Variants in FAM120B observed in about 807,000 individuals in gnomAD.
The protein encoded by FAM120B is constitutive coactivator of peroxisome proliferator-activated receptor gamma.
A neutral mutation model predicts 96.3 loss-of-function variants in FAM120B; 83 were observed. The ratio of observed to expected loss-of-function variants is 0.86; its 90% CI spans 0.72 to 1.03. The LOEUF is 1.03. FAM120B is among the 50% of genes least tolerant of loss of function. The probability of loss-of-function intolerance (pLI) is 0.00; values close to 1 mark genes in which losing one functional copy is unlikely to be tolerated. For synonymous variants in FAM120B, 407 were observed against 402.7 expected (o/e 1.01, Z -0.13); for missense variants, 1,027 against 1,121.2 (o/e 0.92, Z 1.20).
chr6:170,358,370 C>A, intron 6 of FAM120B, 52 bp downstream of exon 6: 1 of 1,248,504 alleles, frequency 8.0e-7, no homozygotes, highest in Non-Finnish European at 1.2e-6. Flanking sequence ...CTGTGCAGTC[C>A]AGCCTTCTCT....
At chr6:170,400,343 G>A (rs1446539687) in intron 9 of FAM120B, among the ~76,000 whole-genome samples, 2 of 152,126 alleles carry the variant, frequency 1.3e-5, no homozygotes, top group African/African-American at 4.8e-5. Context: ...TCAAGAACAT[G>A]CCCCATCCTG....
chr6:170,404,720 G>T (rs1057214954), intron 10 of FAM120B, 43 bp from the exon 11 acceptor site: 2 of 777,342 alleles, frequency 2.6e-6, no homozygotes, highest in Admixed American at 4.5e-5. Context: ...TGCTGACCTG[G>T]TGCCGAGTTA....
At chr6:170,327,592 T>A in intron 3 of FAM120B, among the ~76,000 whole-genome samples, 1 of 150,390 alleles carries the variant, frequency 6.6e-6, no homozygotes, top group Admixed American at 6.6e-5. Context: ...GACCAGGATA[T>A]GACCATGCTG....
At chr6:170,398,473 G>A (rs9459999) in intron 9 of FAM120B, among the ~76,000 whole-genome samples, 2 of 139,396 alleles carry the variant, frequency 1.4e-5, no homozygotes, top group Non-Finnish European at 1.6e-5. Flanking sequence ...GGAGTGAGTG[G>A]GGAAGGTAGA....
intron 6 of FAM120B, among the ~76,000 whole-genome samples, chr6:170,361,258 GTA>G (rs1276422955): frequency 1.8e-5 from 2 of 112,074 alleles, no homozygotes; most frequent in African/African-American, 3.5e-5. Flanking sequence ...ATATATACGT[GTA>G]TATATATAGT....
At chr6:170,349,706 AGAG>A (rs1302557652) in intron 5 of FAM120B, among the ~76,000 whole-genome samples, 2 of 152,224 alleles carry the variant, frequency 1.3e-5, no homozygotes, top group Non-Finnish European at 2.9e-5. Context: ...ATGTAAAAAG[AGAG>A]GAGATGAATC....
chr6:170,398,306 A>C (rs922592022), intron 9 of FAM120B, among the ~76,000 whole-genome samples: 1 of 152,292 alleles, frequency 6.6e-6, no homozygotes, highest in Non-Finnish European at 1.5e-5. Context: ...TGTAACTCTT[A>C]GGAGTCAATA....
intron 5 of FAM120B, among the ~76,000 whole-genome samples, chr6:170,350,128 T>G (rs1414169688): frequency 6.6e-6 from 1 of 152,108 alleles, no homozygotes; most frequent in Non-Finnish European, 1.5e-5. Context: ...TTTTACATAC[T>G]CCGGCTCTGG....
chr6:170,392,165 C>T (rs192297910), intron 8 of FAM120B, among the ~76,000 whole-genome samples: 55 of 152,252 alleles, frequency 3.6e-4, no homozygotes, highest in Admixed American at 1.4e-3. Context: ...CAAGAGTTTC[C>T]GTTTCAGGGT....
At chr6:170,376,258 C>A (rs1789504441) in intron 6 of FAM120B, among the ~76,000 whole-genome samples, 1 of 152,048 alleles carries the variant, frequency 6.6e-6, no homozygotes, top group African/African-American at 2.4e-5. Flanking sequence ...TGTATGAGAT[C>A]TGTTTCCAGA....
At chr6:170,323,797 C>G (rs531015533) in intron 3 of FAM120B, among the ~76,000 whole-genome samples, 2 of 152,054 alleles carry the variant, frequency 1.3e-5, no homozygotes, top group East Asian at 3.9e-4. Flanking sequence ...CATCAAGGAC[C>G]CAAATAGTGA....
rs138088727 is a variant in FAM120B at position 170,390,116 on chromosome 6, G to C, written c.2491-897G>C. Among the ~76,000 whole-genome samples the C allele has an allele frequency of 3.9e-5, 6 of 152,332 alleles. No homozygotes were observed. In the East Asian group the frequency reaches 1.2e-3, roughly 29 times the overall value. The stretch of plus-strand genomic sequence containing the variant: ...AATACCCGCAGGGATGAGAAAAGCG[G>C]TGTGATCCGTGAGAGAGCATACCGG... On this transcript the variant is annotated intron_variant, in intron 7 of 10. Coordinates refer to ENST00000476287, the MANE Select transcript of FAM120B (RefSeq NM_032448.3).
At position 170,405,944 on chromosome 6, in the gene FAM120B, G is replaced by A. The variant is rs1269018157; in HGVS notation, c.*1193G>A. On this transcript the variant is annotated 3_prime_UTR_variant, in exon 11 of 11. Transcript: ENST00000476287. ...CAGCGGCTGGGCTGCCATCAGGCCT[G>A]GTTTATGATGCCACAAGTGAATGGC... 1 of 152,128 alleles carries A rather than the reference G, an allele frequency of 6.6e-6. No homozygotes were observed. The highest frequency in any genetic ancestry group is 1.5e-5 in the Non-Finnish European group (1 of 68,038). The allele number at this position is 152,128 out of a possible 1,614,324, so 9.4% of individuals were successfully genotyped here.
rs1785409851 is a variant in FAM120B, at chr6:170,323,227, G to A, written c.1883G>A (p.Arg628Gln). 29 of 1,613,924 alleles carry A rather than the reference G, an allele frequency of 1.8e-5. No individual in the cohort carries two copies. The highest frequency in any genetic ancestry group is 2.2e-5 in the East Asian group (1 of 44,850). Residue 628 changes from arginine to glutamine, a missense_variant, in exon 3 of 11, where the codon CGG becomes CAG. By Grantham distance (43) the Arg-to-Gln change is conservative (BLOSUM62 1). Transcript: ENST00000476287. The stretch of plus-strand genomic sequence containing the variant: ...TTCATTTACCGTCCCATTCGACAGC[G>A]GGTCTACTCACTCTTACTGGAGGAC... ...QAFIYRPIRQRVYSLLLEDCQ... is the reference protein window; with the variant it reads ...QAFIYRPIRQQVYSLLLEDCQ...
intron 4 of FAM120B, among the ~76,000 whole-genome samples, chr6:170,335,508 A>G (rs993529914): frequency 2.0e-5 from 3 of 152,196 alleles, no homozygotes; most frequent in African/African-American, 7.2e-5. Flanking sequence ...ATAGTACTGC[A>G]GTAAACATAC....
intron 5 of FAM120B, among the ~76,000 whole-genome samples, chr6:170,350,347 T>G (rs1207471340): frequency 6.6e-6 from 1 of 152,172 alleles, no homozygotes; most frequent in African/African-American, 2.4e-5. Flanking sequence ...ACGGCCACAG[T>G]TCAGTCAACT....
chr6:170,334,299 T>A (rs1339199270), intron 4 of FAM120B, among the ~76,000 whole-genome samples: 1 of 152,242 alleles, frequency 6.6e-6, no homozygotes, highest in Non-Finnish European at 1.5e-5. Context: ...ACATTTGATT[T>A]ACCAAAATTG....
intron 1 of FAM120B, among the ~76,000 whole-genome samples, chr6:170,308,478 C>T (rs1425945421): frequency 2.6e-5 from 4 of 151,944 alleles, no homozygotes; most frequent in African/African-American, 9.7e-5. Context: ...TCTGGGGTAA[C>T]GTAGTTTTTA....
intron 4 of FAM120B, 27 bp from the exon 5 acceptor site, chr6:170,348,124 A>T: frequency 5.0e-6 from 8 of 1,598,452 alleles, no homozygotes; most frequent in Non-Finnish European, 6.8e-6. Flanking sequence ...AAAGAACAAT[A>T]GTTAATGGAC....
Sources: gnomAD v4.1 joint callset for allele counts (sites outside exome capture counted in the v4.1 genomes callset) on GRCh38, gnomAD v4.1.1 for gene constraint, MANE v1.5 for transcripts, NCBI Gene and HGNC (gene_info 2026-07-23, HGNC 2026-07-21) for gene names.